Variants in RNF114 observed in about 807,000 individuals in gnomAD.
RNF114 encodes the protein E3 ubiquitin-protein ligase RNF114.
A neutral mutation model predicts 28.4 loss-of-function variants in RNF114; 6 were observed. The ratio of observed to expected loss-of-function variants is 0.21; its 90% CI spans 0.12 to 0.42. RNF114 has a LOEUF of 0.42. Among genes scored for constraint, RNF114 ranks in the 10% least tolerant of loss-of-function variants. RNF114 has a pLI of 1.00. For missense variants in RNF114, 249 were observed against 311.7 expected (o/e 0.80, Z 1.51); for synonymous variants, 115 against 116.7 (o/e 0.99, Z 0.09).
At chr20:49,948,033 G>A (rs915363864) in intron 4 of RNF114, among the ~76,000 whole-genome samples, 6 of 151,514 alleles carry the variant, frequency 4.0e-5, no homozygotes, top group South Asian at 2.1e-4. Context: ...CTCGTGATCC[G>A]CCCGTCTCGG....
rs558943384 is a variant in RNF114 at position 49,952,347 on chromosome 20, A to C, written c.*206A>C. ...GCTCTTGCCAAAGCTGTCTTCCCCTACTGTTAACCTTGTTTGTCACACGGT... is the reference window on the plus strand; with the variant it reads ...GCTCTTGCCAAAGCTGTCTTCCCCTCCTGTTAACCTTGTTTGTCACACGGT... On this transcript the variant is annotated 3_prime_UTR_variant, in exon 6 of 6. Coordinates refer to ENST00000244061, the MANE Select transcript of RNF114 (RefSeq NM_018683.4). The C allele has an allele frequency of 1.1e-5, 6 of 570,602 alleles. No individual in the cohort carries two copies. The highest frequency in any genetic ancestry group is 1.9e-5 in the African/African-American group (1 of 53,776). The allele number at this position is 570,602 out of a possible 1,614,324, so 35.3% of individuals were successfully genotyped here. A position where few individuals can be genotyped will look rare whatever the true frequency, so the allele number is the denominator to read the frequency against.
At chr20:49,949,955 TAAG>T (rs1049707102) in intron 5 of RNF114, among the ~76,000 whole-genome samples, 5 of 147,498 alleles carry the variant, frequency 3.4e-5, no homozygotes, top group African/African-American at 1.2e-4. Flanking sequence ...GAGTGACATT[TAAG>T]AAGATGATCT....
chr20:49,952,222 T>TTA lies in RNF114; in HGVS notation c.*82_*83dup, dbSNP rs1258853484. The TTA allele has an allele frequency of 8.0e-7, 1 of 1,252,144 alleles. No individual in the cohort carries two copies. The highest frequency in any genetic ancestry group is 1.2e-6 in the Non-Finnish European group (1 of 850,794). 77.6% of individuals were successfully genotyped at this position (1,252,144 alleles called of 1,614,324 possible). On this transcript the variant is annotated 3_prime_UTR_variant, in exon 6 of 6. Transcript: ENST00000244061. ...ACGTGAAATCTATGACTCCTGTACC[T>TTA]TACCTGTTCAACAGACCTGAAAATG...
chr20:49,936,961 C>A (rs2146851932), intron 1 of RNF114, among the ~76,000 whole-genome samples: 1 of 152,132 alleles, frequency 6.6e-6, no homozygotes, highest in Middle Eastern at 3.4e-3. Context: ...CTAGCTGTGG[C>A]GAGTTATTCT....
At chr20:49,936,669 G>T in intron 1 of RNF114, 117 bp downstream of exon 1, 1 of 1,331,112 alleles carries the variant, frequency 7.5e-7, no homozygotes, top group South Asian at 1.5e-5. Context: ...GGCCTCCCGG[G>T]GGTGTCCCCC....
At chr20:49,945,216 A>G in intron 2 of RNF114, 166 bp from the exon 3 acceptor site, 1 of 561,174 alleles carries the variant, frequency 1.8e-6, no homozygotes, top group Non-Finnish European at 3.2e-6. Context: ...TTAATGGGAA[A>G]TCTGCAATAA....
chr20:49,936,581 G>T, intron 1 of RNF114, 29 bp downstream of exon 1: 1 of 1,574,504 alleles, frequency 6.4e-7, no homozygotes, highest in Admixed American at 1.8e-5. Context: ...CCTGGTCGGG[G>T]GGCGCTTAAC....
At chr20:49,949,430 A>C in intron 5 of RNF114, 75 bp downstream of exon 5, 1 of 1,228,036 alleles carries the variant, frequency 8.1e-7, no homozygotes, top group Non-Finnish European at 1.2e-6. Flanking sequence ...CAAAAGGGGA[A>C]ATGGGGATCC....
At chr20:49,951,309 C>T (rs1319585819) in intron 5 of RNF114, among the ~76,000 whole-genome samples, 3 of 150,832 alleles carry the variant, frequency 2.0e-5, no homozygotes, top group African/African-American at 7.3e-5. Context: ...GTCACATTAA[C>T]AAAAATGACT....
At chr20:49,940,178 C>G (rs1429554589) in intron 1 of RNF114, among the ~76,000 whole-genome samples, 2 of 151,802 alleles carry the variant, frequency 1.3e-5, no homozygotes, top group Non-Finnish European at 2.9e-5. Context: ...TGGCTCCCTA[C>G]TGTTTATGAG....
At chr20:49,945,569 GT>G in intron 3 of RNF114, 81 bp downstream of exon 3, 1 of 768,590 alleles carries the variant, frequency 1.3e-6, no homozygotes, top group South Asian at 1.5e-5. Context: ...GGGTTTAGTT[GT>G]ATGAATTGTT....
intron 1 of RNF114, among the ~76,000 whole-genome samples, chr20:49,938,199 A>T (rs1311184596): frequency 2.0e-5 from 3 of 152,232 alleles, no homozygotes; most frequent in Non-Finnish European, 4.4e-5. Context: ...TAACATTTGT[A>T]AAAAGGCTAG....
chr20:49,938,606 A>G (rs2090296098), intron 1 of RNF114, among the ~76,000 whole-genome samples: 1 of 152,206 alleles, frequency 6.6e-6, no homozygotes, highest in African/African-American at 2.4e-5. Flanking sequence ...TGGGTGCCCA[A>G]GAGAAGGGAA....
chr20:49,951,438 AAAC>A (rs752372444), intron 5 of RNF114, among the ~76,000 whole-genome samples: 71 of 152,286 alleles, frequency 4.7e-4, no homozygotes, highest in Admixed American at 1.1e-3. Context: ...CACCTCTCAG[AAAC>A]AACTCTTCAG....
chr20:49,946,835 G>A (rs1458619226), intron 4 of RNF114, among the ~76,000 whole-genome samples: 1 of 151,640 alleles, frequency 6.6e-6, no homozygotes, highest in Non-Finnish European at 1.5e-5. Flanking sequence ...GGGGAAAGAG[G>A]ATTTAGGTGA....
intron 1 of RNF114, among the ~76,000 whole-genome samples, chr20:49,937,625 G>C (rs1376998979): frequency 6.6e-6 from 1 of 152,162 alleles, no homozygotes; most frequent in African/African-American, 2.4e-5. Context: ...CACCTAGCTG[G>C]CTGCTTTTTG....
At chr20:49,949,188 A>C in intron 4 of RNF114, 60 bp from the exon 5 acceptor site, 1 of 1,391,564 alleles carries the variant, frequency 7.2e-7, no homozygotes, top group Non-Finnish European at 1.0e-6. Flanking sequence ...GACACAGGCC[A>C]CAGAGGGCTG....
At position 49,953,488 on chromosome 20, in the gene RNF114, C is replaced by G. The variant is rs761864866; in HGVS notation, c.*1347C>G. ...GCAAGTGCTACCTCGCGCTTGTACA[C>G]TGCTGCTGTGGGGCTCCGCGCCTGC... On this transcript the variant is annotated 3_prime_UTR_variant, in exon 6 of 6. Coordinates refer to ENST00000244061, the MANE Select transcript of RNF114 (RefSeq NM_018683.4). The G allele has an allele frequency of 6.6e-6, 1 of 152,202 alleles. No individual in the cohort carries two copies. The highest frequency in any genetic ancestry group is 2.4e-5 in the African/African-American group (1 of 41,460). 9.4% of individuals were successfully genotyped at this position (152,202 alleles called of 1,614,324 possible).
chr20:49,941,967 A>G (rs369644762), intron 2 of RNF114: 1 of 441,576 alleles, frequency 2.3e-6, no homozygotes, highest in South Asian at 3.3e-5. Context: ...GTTTTTTCCT[A>G]TAAAAGATCA....
Sources: allele counts gnomAD v4.1 joint callset (sites outside exome capture counted in the v4.1 genomes callset), GRCh38; gene constraint gnomAD v4.1.1; transcripts MANE v1.5; gene names NCBI Gene and HGNC (gene_info 2026-07-23, HGNC 2026-07-21).